Variants in HOXC10 observed in about 807,000 individuals in gnomAD.
The protein encoded by HOXC10 is homeobox protein Hox-C10.
In HOXC10, 15 loss-of-function variants were observed where a neutral mutation model predicts 26.0. The observed-to-expected ratio is 0.58, with a 90% CI of 0.39 to 0.89. The LOEUF (loss-of-function observed/expected upper bound fraction) is 0.89. Among genes scored for constraint, HOXC10 ranks in the 40% least tolerant of loss-of-function variants. The pLI is 0.00. For missense variants in HOXC10, 446 were observed against 451.9 expected, an observed-to-expected ratio of 0.99 and a Z score of 0.12; for synonymous variants, 196 against 185.5, an observed-to-expected ratio of 1.06 and a Z score of -0.46.
Position 53,985,763 on chromosome 12 carries a change from C to A in HOXC10, c.504C>A (p.Asn168Lys), listed in dbSNP as rs1315773554. ...LDKTPHCSGA[N>K]DFEAPFEQRA... ...AGACGCCCCACTGTTCTGGGGCCAACGACTTCGAAGCCCCTTTCGAGCAGC... is the reference window on the plus strand; with the variant it reads ...AGACGCCCCACTGTTCTGGGGCCAAAGACTTCGAAGCCCCTTTCGAGCAGC... Residue 168 changes from asparagine (N) to lysine (K), a missense_variant, in exon 1 of 2, where the codon AAC becomes AAA. Physicochemically the swap from Asn to Lys is moderately conservative, Grantham distance 94 (BLOSUM62 0). Transcript: ENST00000303460. The A allele has an allele frequency of 5.0e-6, 8 of 1,613,598 alleles. No homozygotes were observed. The highest frequency in any genetic ancestry group is 6.8e-6 in the Non-Finnish European group (8 of 1,179,996).
In HOXC10 at chr12:53,989,506, T is replaced by A; in HGVS notation, c.*60T>A. ...CCTCTCCCCGCCCCTCCTCCCTTTG[T>A]GCCTGGTGATATATTTTTTTTTCCT... On this transcript the variant is annotated 3_prime_UTR_variant, in exon 2 of 2. Transcript: ENST00000303460. 6.7e-7 allele frequency: 1 copy of A among 1,498,332 alleles called. No individual in the cohort carries two copies. The highest frequency in any genetic ancestry group is 9.0e-7 in the Non-Finnish European group (1 of 1,114,560). The allele number at this position is 1,498,332 out of a possible 1,614,324, so 92.8% of individuals were successfully genotyped here.
rs890347191 is a variant in HOXC10, at chr12:53,989,037, G to A, written c.752-132G>A. 2.7e-5 allele frequency: 19 copies of A among 709,704 alleles called. No individual in the cohort carries two copies. In the East Asian group the frequency reaches 4.0e-4, roughly 15 times the overall value. The allele number at this position is 709,704 out of a possible 1,614,324, so 44.0% of individuals were successfully genotyped here. ...ACCTTGAGCCTAAGAGGAGCCCACC[G>A]CCAGGCCCCTGGGGCAAGAGCAGCT... On this transcript the variant is annotated intron_variant, in intron 1 of 1. Transcript: ENST00000303460.
chr12:53,985,194 G>T lies in HOXC10; in HGVS notation c.-66G>T. ...TCCAACCGCGCCCCCCCTCCCGGAT[G>T]GGGAAAAAAAAAGATGTCAGCTCCT... On this transcript the variant is annotated 5_prime_UTR_variant, in exon 1 of 2. An upstream start codon of the reference 5' UTR is lost. Coordinates refer to ENST00000303460, the MANE Select transcript of HOXC10 (RefSeq NM_017409.4). 7.5e-7 allele frequency: 1 copy of T among 1,325,208 alleles called. No individual in the cohort carries two copies. The highest frequency in any genetic ancestry group is 9.7e-7 in the Non-Finnish European group (1 of 1,027,186). The allele number at this position is 1,325,208 out of a possible 1,614,324, so 82.1% of individuals were successfully genotyped here.
intron 1 of HOXC10, among the ~76,000 whole-genome samples, chr12:53,988,697 C>T (rs952489223): frequency 5.3e-5 from 8 of 152,212 alleles, no homozygotes; most frequent in African/African-American, 1.9e-4. Context: ...GGAACAAAGT[C>T]CCTCCACTGA....
rs1421401846 is a variant in HOXC10, at chr12:53,985,461, A to T, written c.202A>T (p.Thr68Ser). ...EGSSPSLALN[T>S]YPSYLSQLDS... is the part of the protein sequence containing the mutation. ...CAGCAGCCCCAGCCTCGCCCTCAAC[A>T]CCTATCCGTCCTACCTCTCGCAGCT... The change falls in exon 1 of 2, where the codon ACC (threonine) becomes TCC (serine). Residue 68 changes from threonine to serine, a missense_variant. Thr to Ser is a moderately conservative substitution (Grantham distance 58). Transcript: ENST00000303460. The T allele has an allele frequency of 6.2e-7, 1 of 1,612,830 alleles. No individual in the cohort carries two copies. Among genetic ancestry groups the T allele is most frequent in the South Asian group, 1.1e-5 (1 of 91,066 alleles).
In HOXC10 at chr12:53,989,200, T is replaced by C. The variant is rs1369549753; in HGVS notation, c.783T>C (p.Asn261=). Residue 261 remains asparagine, a synonymous_variant, in exon 2 of 2, where the codon AAT becomes AAC. Coordinates refer to ENST00000303460, the MANE Select transcript of HOXC10 (RefSeq NM_017409.4). Reference sequence around the variant, plus strand: ...TAAAGGCAGAAAACACCACAGGAAATTGGCTGACAGCAAAGAGCGGAAGGA... The same window carrying C: ...TAAAGGCAGAAAACACCACAGGAAACTGGCTGACAGCAAAGAGCGGAAGGA... ...EEIKAENTTG[N]WLTAKSGRKK... The C allele has an allele frequency of 1.2e-6, 2 of 1,609,448 alleles. No homozygotes were observed. The highest frequency in any genetic ancestry group is 2.2e-5 in the East Asian group (1 of 44,834).
At chr12:53,989,126 C>T (rs1464133462) in intron 1 of HOXC10, 43 bp from the exon 2 acceptor site, 8 of 1,545,308 alleles carry the variant, frequency 5.2e-6, no homozygotes, top group Admixed American at 1.9e-5. Flanking sequence ...AGAGGGTTTT[C>T]GACTTCGAGG....
In HOXC10 at chr12:53,989,484, C is replaced by T. The variant is rs1427075602; in HGVS notation, c.*38C>T. 2.6e-6 allele frequency: 4 copies of T among 1,567,162 alleles called. No homozygotes were observed. The highest frequency in any genetic ancestry group is 3.5e-6 in the Non-Finnish European group (4 of 1,152,594). On this transcript the variant is annotated 3_prime_UTR_variant, in exon 2 of 2. Transcript: ENST00000303460. ...TCCTCCTCCCTTCCCGCTCCTTCCT[C>T]TCCCCGCCCCTCCTCCCTTTGTGCC...
rs1255392578 is a variant in HOXC10 at position 53,985,376 on chromosome 12, C to T, written c.117C>T (p.Phe39=). 8 of 1,614,072 alleles carry T rather than the reference C, an allele frequency of 5.0e-6. No individual in the cohort carries two copies. Among genetic ancestry groups the T allele is most frequent in the Non-Finnish European group, 4.2e-6 (5 of 1,180,028 alleles). ...TGTATATGCAGTCTGGGAGTGACTT[C>T]AATTGCGGGGTGATGAGGGGCTGCG... The part of the protein sequence containing the change: ...AGMYMQSGSD[F]NCGVMRGCGL... Residue 39 remains phenylalanine (F), a synonymous_variant, in exon 1 of 2, where the codon TTC becomes TTT. Transcript: ENST00000303460.
rs1476813887 is a variant in HOXC10, at chr12:53,985,449, C to A, written c.190C>A (p.Leu64Ile). The A allele has an allele frequency of 6.2e-7, 1 of 1,613,070 alleles. No individual in the cohort carries two copies. The highest frequency in any genetic ancestry group is 1.7e-5 in the Admixed American group (1 of 60,008). Residue 64 changes from leucine to isoleucine, a missense_variant, in exon 1 of 2, where the codon CTC becomes ATC. Coordinates refer to ENST00000303460, the MANE Select transcript of HOXC10 (RefSeq NM_017409.4). ...SKRDEGSSPS[L>I]ALNTYPSYLS... ...GAGGGACGAGGGCAGCAGCCCCAGC[C>A]TCGCCCTCAACACCTATCCGTCCTA...
In HOXC10 at chr12:53,985,337, C is replaced by T. The variant is rs200965954; in HGVS notation, c.78C>T (p.Ser26=). ...LAAPGGGERY[S]RSAGMYMQSG... is the part of the protein sequence containing the mutation. ...CGCCCGGCGGAGGAGAGCGCTATAG[C>T]CGGAGCGCAGGCATGTATATGCAGT... Residue 26 remains serine (S), a synonymous_variant, in exon 1 of 2, where the codon AGC becomes AGT. Transcript: ENST00000303460. 8.1e-6 allele frequency: 13 copies of T among 1,612,612 alleles called. No individual in the cohort carries two copies. Among genetic ancestry groups the T allele is most frequent in the Non-Finnish European group, 8.5e-7 (1 of 1,179,170 alleles).
At chr12:53,989,103 G>A (rs888137689) in intron 1 of HOXC10, 66 bp from the exon 2 acceptor site, 1 of 1,458,500 alleles carries the variant, frequency 6.9e-7, no homozygotes, top group Non-Finnish European at 9.3e-7. Context: ...GGCTGGCAAA[G>A]GCTGCAGCGC....
rs771170944 is a variant in HOXC10, at chr12:53,989,779, C to A, written c.*333C>A. ...TCTCCATGCAAAGTTAAGATCGAAT[C>A]CATCCGCTTGTAGGGGAAAAAAAGG... On this transcript the variant is annotated 3_prime_UTR_variant, in exon 2 of 2. Transcript: ENST00000303460. 3.6e-6 allele frequency: 1 copy of A among 278,524 alleles called. No homozygotes were observed. The highest frequency in any genetic ancestry group is 6.7e-6 in the Non-Finnish European group (1 of 150,096). The allele number at this position is 278,524 out of a possible 1,614,324, so 17.3% of individuals were successfully genotyped here.
At position 53,985,296 on chromosome 12, in the gene HOXC10, G is replaced by A. The variant is rs1409656531; in HGVS notation, c.37G>A (p.Ala13Thr). The A allele has an allele frequency of 1.9e-6, 3 of 1,585,024 alleles. No homozygotes were observed. The Admixed American group carries it at 5.5e-5, about 29-fold the overall frequency. ...TCGCAATGTAACTCCGAACTCGTAC[G>A]CGGAGCCCTTGGCTGCGCCCGGCGG... ...CPRNVTPNSY[A>T]EPLAAPGGGE... The change falls in exon 1 of 2, where the codon GCG becomes ACG. Residue 13 changes from alanine to threonine, a missense_variant. Ala to Thr is a moderately conservative substitution (Grantham distance 58). Coordinates refer to ENST00000303460, the MANE Select transcript of HOXC10 (RefSeq NM_017409.4).
chr12:53,985,699 G>C lies in HOXC10; in HGVS notation c.440G>C (p.Ser147Thr). 1 of 1,610,350 alleles carries C rather than the reference G, an allele frequency of 6.2e-7. No homozygotes were observed. The highest frequency in any genetic ancestry group is 1.3e-5 in the African/African-American group (1 of 74,976). Reference sequence around the variant, plus strand: ...GGGGAGCACGAGGTACCCGTGCCCAGCTACTACCGCGCCAGCCCGAGCTAC... The same window carrying C: ...GGGGAGCACGAGGTACCCGTGCCCACCTACTACCGCGCCAGCCCGAGCTAC... ...CLGEHEVPVP[S>T]YYRASPSYSA... The change falls in exon 1 of 2, where the codon AGC (serine) becomes ACC (threonine). Residue 147 changes from serine to threonine, a missense_variant. Transcript: ENST00000303460.
Position 53,989,256 on chromosome 12 carries a change from C to T in HOXC10, c.839C>T (p.Thr280Met). 3.1e-6 allele frequency: 5 copies of T among 1,614,084 alleles called. No individual in the cohort carries two copies. Among genetic ancestry groups the T allele is most frequent in the Middle Eastern group, 1.6e-4 (1 of 6,062 alleles). Reference sequence around the variant, plus strand: ...AGGTGCCCCTATACTAAACACCAGACGCTGGAATTGGAGAAAGAATTTCTG... The same window carrying T: ...AGGTGCCCCTATACTAAACACCAGATGCTGGAATTGGAGAAAGAATTTCTG... ...KKRCPYTKHQ[T>M]LELEKEFLFN... Residue 280 changes from threonine (T) to methionine (M), a missense_variant, in exon 2 of 2, where the codon ACG becomes ATG. Coordinates refer to ENST00000303460, the MANE Select transcript of HOXC10 (RefSeq NM_017409.4).
chr12:53,987,504 T>C (rs1488699286), intron 1 of HOXC10, among the ~76,000 whole-genome samples: 1 of 152,138 alleles, frequency 6.6e-6, no homozygotes, highest in Non-Finnish European at 1.5e-5. Flanking sequence ...TCTTATACCC[T>C]CTCTACAGAC....
chr12:53,985,635 G>A lies in HOXC10; in HGVS notation c.376G>A (p.Ala126Thr), dbSNP rs1392288040. The change falls in exon 1 of 2, where the codon GCA (alanine) becomes ACA (threonine). Residue 126 changes from alanine (A) to threonine (T), a missense_variant. Transcript: ENST00000303460. ...GAAGCGGGCGAAAAGTGGCCCCGAG[G>A]CAGCTCTCTACTCCCACCCCTTGCC... ...AEKRAKSGPEAALYSHPLPES... is the reference protein window; with the variant it reads ...AEKRAKSGPETALYSHPLPES... The A allele has an allele frequency of 2.5e-6, 4 of 1,613,792 alleles. No homozygotes were observed. Among genetic ancestry groups the A allele is most frequent in the East Asian group, 2.2e-5 (1 of 44,884 alleles).
chr12:53,989,019 G>T, intron 1 of HOXC10, 150 bp from the exon 2 acceptor site: 1 of 613,000 alleles, frequency 1.6e-6, no homozygotes, highest in South Asian at 2.4e-5. Context: ...AGAACCTTGA[G>T]CCTAAGAGGA....
Sources: allele counts gnomAD v4.1 joint callset (sites outside exome capture counted in the v4.1 genomes callset), GRCh38; gene constraint gnomAD v4.1.1; transcripts MANE v1.5; gene names NCBI Gene and HGNC (gene_info 2026-07-23, HGNC 2026-07-21).